The following FSHR variants were observed in gnomAD, a reference collection of about 807,000 sequenced individuals.
FSHR encodes the protein follicle-stimulating hormone receptor.
FSHR carries 46 observed loss-of-function variants against 52.1 expected under a neutral mutation model. That is an observed-to-expected ratio of 0.88 (90% confidence interval 0.70 to 1.13). FSHR has a LOEUF of 1.13. Among genes scored for constraint, FSHR ranks in the 50% most tolerant of loss-of-function variants. The pLI is 0.00. For synonymous variants in FSHR, 399 were observed against 309.6 expected (o/e 1.29, Z -3.03); for missense variants, 964 against 834.6 (o/e 1.16, Z -1.91).
chr2:48,981,444 G>C (rs6753729), intron 8 of FSHR, among the ~76,000 whole-genome samples: 17,286 of 152,052 alleles, frequency 0.11, 1,255 homozygotes, highest in East Asian at 0.28. Context: ...GTATTGTTTT[G>C]GCCATTTTTT....
intron 9 of FSHR, among the ~76,000 whole-genome samples, chr2:48,964,465 C>G (rs1312556679): frequency 6.6e-6 from 1 of 152,148 alleles, no homozygotes; most frequent in African/African-American, 2.4e-5. Context: ...AGTTAGTTCC[C>G]AGCCAGCCCC....
chr2:48,966,293 T>A (rs1214974593), intron 9 of FSHR, among the ~76,000 whole-genome samples: 2 of 152,202 alleles, frequency 1.3e-5, no homozygotes, highest in Non-Finnish European at 2.9e-5. Context: ...CAACAGCATG[T>A]CAATTTAATA....
In FSHR at chr2:48,963,037, G is replaced by T. The variant is rs1423232277; in HGVS notation, c.1784C>A (p.Ala595Asp). Reference protein sequence around the residue: ...MAPISFFAISASLKVPLITVS... With the variant: ...MAPISFFAISDSLKVPLITVS... ...AGTGATGAGGGGCACCTTGAGGGAG[G>T]CAGAAATGGCAAAGAAAGAAATGGG... The change falls in exon 10 of 10, where the codon GCC becomes GAC. Residue 595 changes from alanine to aspartate, a missense_variant. By Grantham distance (126) the Ala-to-Asp change is moderately radical. Coordinates refer to ENST00000406846, the MANE Select transcript of FSHR (RefSeq NM_000145.4). The T allele has an allele frequency of 3.1e-6, 5 of 1,614,012 alleles. No individual in the cohort carries two copies. The Admixed American group carries it at 8.3e-5, about 27-fold the overall frequency.
At chr2:49,120,345 G>C (rs1671767181) in intron 1 of FSHR, among the ~76,000 whole-genome samples, 1 of 152,184 alleles carries the variant, frequency 6.6e-6, no homozygotes, top group Non-Finnish European at 1.5e-5. Flanking sequence ...TCCTAAGTCA[G>C]GATGGTAGTG....
intron 8 of FSHR, among the ~76,000 whole-genome samples, chr2:48,977,971 G>A (rs2268359): frequency 0.15 from 22,450 of 152,066 alleles, 1,900 homozygotes; most frequent in East Asian, 0.3. Flanking sequence ...CACTTTTAAC[G>A]TTGCAACACA....
chr2:48,963,827 CAG>C lies in FSHR; in HGVS notation c.992_993del (p.Thr331ArgfsTer3). ...TCATTGCATAAGTCATAGTCAAACT[CAG>C]TGTACGTCATGTCAAATCCTCTGCT... Reference protein sequence around the residue: ...SYSRGFDMTYTEFDYDLCNEV... With the variant: ...SYSRGFDMTYXEFDYDLCNEV... On this transcript the variant is annotated frameshift_variant, in exon 10 of 10. Coordinates refer to ENST00000406846, the MANE Select transcript of FSHR (RefSeq NM_000145.4). LOFTEE classifies it high-confidence loss of function. 6.2e-7 allele frequency: 1 copy of C among 1,614,140 alleles called. No individual in the cohort carries two copies. Among genetic ancestry groups the C allele is most frequent in the Non-Finnish European group, 8.5e-7 (1 of 1,180,016 alleles).
At chr2:49,015,234 C>G (rs1667441238) in intron 4 of FSHR, among the ~76,000 whole-genome samples, 1 of 152,044 alleles carries the variant, frequency 6.6e-6, no homozygotes. Flanking sequence ...TATATAGTTT[C>G]TTTTCCATTC....
intron 2 of FSHR, among the ~76,000 whole-genome samples, chr2:49,054,961 G>C (rs530288487): frequency 6.6e-6 from 1 of 152,144 alleles, no homozygotes; most frequent in African/African-American, 2.4e-5. Flanking sequence ...TCAATGTAGG[G>C]ATACATCAAA....
chr2:49,086,152 G>A (rs951927997), intron 1 of FSHR, among the ~76,000 whole-genome samples: 9 of 152,118 alleles, frequency 5.9e-5, no homozygotes, highest in Non-Finnish European at 1.3e-4. Flanking sequence ...ATATGGGAGA[G>A]CAGTTGTTAT....
chr2:49,096,149 A>G (rs916471853), intron 1 of FSHR, among the ~76,000 whole-genome samples: 1 of 152,230 alleles, frequency 6.6e-6, no homozygotes, highest in Non-Finnish European at 1.5e-5. Flanking sequence ...ACATGCATCC[A>G]TACAAAAATG....
intron 1 of FSHR, among the ~76,000 whole-genome samples, chr2:49,117,886 T>G (rs1422460320): frequency 6.6e-6 from 1 of 152,182 alleles, no homozygotes; most frequent in Non-Finnish European, 1.5e-5. Flanking sequence ...TGCTCACCCA[T>G]TGTAGCAAAG....
chr2:49,092,467 T>A (rs1670648406), intron 1 of FSHR, among the ~76,000 whole-genome samples: 1 of 152,160 alleles, frequency 6.6e-6, no homozygotes, highest in Non-Finnish European at 1.5e-5. Flanking sequence ...TTAAGTATGG[T>A]GTTTGTGGTA....
intron 2 of FSHR, among the ~76,000 whole-genome samples, chr2:49,051,626 T>G (rs556118116): frequency 2.1e-3 from 323 of 152,218 alleles, no homozygotes; most frequent in Middle Eastern, 6.8e-3. Flanking sequence ...TTTTCTCTCA[T>G]TATGTGATTT....
chr2:49,007,882 C>CT (rs754309786), intron 4 of FSHR, among the ~76,000 whole-genome samples: 15 of 151,538 alleles, frequency 9.9e-5, no homozygotes, highest in Admixed American at 5.9e-4. Flanking sequence ...TTATCTTTTC[C>CT]TTTTTTTTAA....
chr2:49,126,832 A>G (rs556177046), intron 1 of FSHR, among the ~76,000 whole-genome samples: 2 of 152,342 alleles, frequency 1.3e-5, no homozygotes, highest in East Asian at 3.9e-4. Flanking sequence ...ACCTCTCAAG[A>G]TAGAATGTGA....
chr2:49,043,916 G>C (rs1003214602), intron 2 of FSHR, among the ~76,000 whole-genome samples: 2 of 152,112 alleles, frequency 1.3e-5, no homozygotes, highest in African/African-American at 4.8e-5. Context: ...AAATCCTACT[G>C]TCTCCATAAA....
At chr2:48,982,201 C>G (rs918264584) in intron 8 of FSHR, among the ~76,000 whole-genome samples, 3 of 152,034 alleles carry the variant, frequency 2.0e-5, no homozygotes, top group African/African-American at 7.3e-5. Context: ...GTCAGAGAGA[C>G]TTGAGGAGGT....
intron 3 of FSHR, among the ~76,000 whole-genome samples, chr2:49,017,819 G>T (rs932723811): frequency 1.3e-5 from 2 of 152,026 alleles, no homozygotes; most frequent in Non-Finnish European, 2.9e-5. Flanking sequence ...GGCCCTGTCC[G>T]CTGGAGGCAA....
At chr2:49,019,873 G>C (rs935025222) in intron 3 of FSHR, among the ~76,000 whole-genome samples, 1 of 152,184 alleles carries the variant, frequency 6.6e-6, no homozygotes, top group Non-Finnish European at 1.5e-5. Flanking sequence ...AATGATGACA[G>C]GCAGGCAACA....
Sources: allele counts gnomAD v4.1 joint callset (sites outside exome capture counted in the v4.1 genomes callset), GRCh38; gene constraint gnomAD v4.1.1; transcripts MANE v1.5; gene names NCBI Gene and HGNC (gene_info 2026-07-23, HGNC 2026-07-21).